Variants in TMEM67 observed in about 807,000 individuals in gnomAD.
TMEM67 encodes transmembrane protein 67.
TMEM67 carries 124 observed loss-of-function variants against 136.6 expected under a neutral mutation model. The ratio of observed to expected loss-of-function variants is 0.91; its 90% CI spans 0.78 to 1.05. The LOEUF (loss-of-function observed/expected upper bound fraction) is 1.05, where lower values mean the gene tolerates loss of function less well. Among genes scored for constraint, TMEM67 ranks in the 50% least tolerant of loss-of-function variants. The probability of loss-of-function intolerance (pLI) is 0.00; values close to 1 mark genes in which losing one functional copy is unlikely to be tolerated. For missense variants in TMEM67, 1,107 were observed against 1,178.4 expected, an observed-to-expected ratio of 0.94 and a Z score of 0.89; for synonymous variants, 364 against 390.5, an observed-to-expected ratio of 0.93 and a Z score of 0.80.
rs780507751 is a variant in TMEM67, at chr8:93,795,882, C to G, written c.1774-19C>G. 122 of 1,506,330 alleles carry G rather than the reference C, an allele frequency of 8.1e-5. No individual in the cohort carries two copies. Among genetic ancestry groups the G allele is most frequent in the Non-Finnish European group, 1.1e-4 (116 of 1,088,014 alleles). The allele number at this position is 1,506,330 out of a possible 1,614,324, so 93.3% of individuals were successfully genotyped here. ...AAAACTGTGTGTGATAATATTTAAT[C>G]AAGTAATTTTTATTATAGGCACAGA... On this transcript the variant is annotated intron_variant, in intron 17 of 27. Coordinates refer to ENST00000453321, the MANE Select transcript of TMEM67 (RefSeq NM_153704.6).
downstream of TMEM67, among the ~76,000 whole-genome samples, chr8:93,824,135 A>T (rs549411665): frequency 1.3e-5 from 2 of 151,610 alleles, no homozygotes; most frequent in East Asian, 1.9e-4. Context: ...CAGGACTTTT[A>T]AAAAAAGATT....
intron 17 of TMEM67, 30 bp from the exon 18 acceptor site, chr8:93,795,871 T>A (rs746232180): frequency 1.0e-5 from 15 of 1,455,868 alleles, no homozygotes; most frequent in Non-Finnish European, 1.4e-5. Flanking sequence ...CTGTGTGTGA[T>A]AATATTTAAT....
chr8:93,759,753 A>G (rs1381578241), intron 3 of TMEM67: 1 of 288,904 alleles, frequency 3.5e-6, no homozygotes, highest in Admixed American at 5.0e-5. Context: ...GGTTCAAGCG[A>G]TTCTCCTGCC....
At position 93,803,628 on chromosome 8, in the gene TMEM67, G is replaced by C. The variant is rs758142959; in HGVS notation, c.2266G>C (p.Glu756Gln). 8.7e-6 allele frequency: 14 copies of C among 1,603,118 alleles called. No homozygotes were observed. In the South Asian group the frequency reaches 1.3e-4, roughly 15 times the overall value. The stretch of plus-strand genomic sequence containing the variant: ...GGTCGTGTTCTTTGCTGTCTTTTAT[G>C]AGAGATTTATAGAAGATAAAATTCG... The part of the protein sequence containing the change: ...IQVVFFAVFY[E>Q]RFIEDKIRQF... Residue 756 changes from glutamate (E) to glutamine (Q), a missense_variant, in exon 22 of 28, where the codon GAG becomes CAG. Physicochemically the swap from Glu to Gln is conservative, Grantham distance 29 (BLOSUM62 2). Coordinates refer to ENST00000453321, the MANE Select transcript of TMEM67 (RefSeq NM_153704.6).
chr8:93,811,435 A>G (rs1808693842), intron 26 of TMEM67: 2 of 152,240 alleles, frequency 1.3e-5, no homozygotes, highest in African/African-American at 2.4e-5. Flanking sequence ...ACAGTGGAAG[A>G]GAGTACTTGA....
intron 7 of TMEM67, among the ~76,000 whole-genome samples, chr8:93,773,925 C>T (rs1470331784): frequency 6.6e-6 from 1 of 151,978 alleles, no homozygotes; most frequent in Non-Finnish European, 1.5e-5. Context: ...TGTTATTTCT[C>T]TTCCCAAGTG....
intron 6 of TMEM67, among the ~76,000 whole-genome samples, chr8:93,766,841 G>A (rs986776996): frequency 2.0e-5 from 3 of 152,052 alleles, no homozygotes; most frequent in African/African-American, 7.2e-5. Flanking sequence ...CAAAATAAAA[G>A]CTAAAATACA....
the TMEM67 span, among the ~76,000 whole-genome samples, chr8:93,826,510 G>T: frequency 6.6e-6 from 1 of 152,148 alleles, no homozygotes; most frequent in Non-Finnish European, 1.5e-5. Context: ...CCTCCCAAAA[G>T]AAATGGTCTC....
intron 2 of TMEM67, among the ~76,000 whole-genome samples, chr8:93,757,905 C>T (rs1812654356): frequency 6.6e-6 from 1 of 151,900 alleles, no homozygotes; most frequent in Non-Finnish European, 1.5e-5. Flanking sequence ...TATAGGCATA[C>T]ACCACCACGC....
chr8:93,781,803 C>A, intron 10 of TMEM67, 59 bp downstream of exon 10: 2 of 1,000,380 alleles, frequency 2.0e-6, no homozygotes, highest in Non-Finnish European at 1.5e-6. Context: ...TGAGACAAAG[C>A]CAAGAGGAAA....
At chr8:93,814,522 G>A (rs948155979) in intron 26 of TMEM67, among the ~76,000 whole-genome samples, 1 of 150,912 alleles carries the variant, frequency 6.6e-6, no homozygotes, top group Non-Finnish European at 1.5e-5. Flanking sequence ...GTGCAGTGGT[G>A]CAATCATATT....
chr8:93,788,335 C>T (rs1003007077), intron 14 of TMEM67, among the ~76,000 whole-genome samples: 4 of 152,068 alleles, frequency 2.6e-5, no homozygotes, highest in Non-Finnish European at 5.9e-5. Flanking sequence ...GAGGCTAAGG[C>T]GGGCAGATCA....
At chr8:93,764,936 CA>C (rs974525163) in intron 4 of TMEM67, among the ~76,000 whole-genome samples, 6 of 152,122 alleles carry the variant, frequency 3.9e-5, no homozygotes, top group African/African-American at 1.2e-4. Flanking sequence ...CTAAAATAAA[CA>C]AAGATGGTAA....
intron 4 of TMEM67, among the ~76,000 whole-genome samples, chr8:93,765,009 C>G (rs940820519): frequency 6.6e-6 from 1 of 152,014 alleles, no homozygotes; most frequent in African/African-American, 2.4e-5. Context: ...CATTTCTCTT[C>G]GGGTTATGCT....
chr8:93,774,152 C>G lies in TMEM67; in HGVS notation c.714+1501C>G, dbSNP rs528032334. Among the ~76,000 whole-genome samples the G allele has an allele frequency of 8.6e-5, 13 of 151,980 alleles. No homozygotes were observed. The South Asian group carries it at 1.0e-3, about 12-fold the overall frequency. The stretch of plus-strand genomic sequence containing the variant: ...GCCTCAGCCTCCTGGGTAGCTAGGA[C>G]TACAGGGGCATGCCACCACACTCAG... On this transcript the variant is annotated intron_variant, in intron 7 of 27. Coordinates refer to ENST00000453321, the MANE Select transcript of TMEM67 (RefSeq NM_153704.6).
intron 26 of TMEM67, among the ~76,000 whole-genome samples, chr8:93,813,399 G>A (rs965303314): frequency 5.3e-5 from 8 of 152,010 alleles, no homozygotes; most frequent in Non-Finnish European, 7.4e-5. Flanking sequence ...GGCTGGCCTC[G>A]AACTCCTGAC....
intron 26 of TMEM67, among the ~76,000 whole-genome samples, chr8:93,813,200 A>G (rs1430540961): frequency 6.8e-6 from 1 of 147,946 alleles, no homozygotes; most frequent in Non-Finnish European, 1.5e-5. Context: ...TTTTTTGGAG[A>G]TGGAGTCTCG....
In TMEM67 at chr8:93,804,828, C is replaced by A; in HGVS notation, c.2389C>A (p.His797Asn). ...CATTCATGGTAGATCAGTACATGGG[C>A]ATGCAGATACTAATATGGAAGAAAT... is the stretch of plus-strand genomic sequence containing the variant. Reference protein sequence around the residue: ...YYIHGRSVHGHADTNMEEMNM... With the variant: ...YYIHGRSVHGNADTNMEEMNM... The change falls in exon 23 of 28, where the codon CAT becomes AAT. Residue 797 changes from histidine (H) to asparagine (N), a missense_variant. This residue lies in a region of TMEM67 where 925 missense variants were observed against 1,002.4 expected (regional missense o/e 0.92). Coordinates refer to ENST00000453321, the MANE Select transcript of TMEM67 (RefSeq NM_153704.6). The A allele has an allele frequency of 6.2e-7, 1 of 1,606,904 alleles. No homozygotes were observed. The highest frequency in any genetic ancestry group is 8.5e-7 in the Non-Finnish European group (1 of 1,173,900).
chr8:93,772,565 TA>T, intron 6 of TMEM67, 23 bp from the exon 7 acceptor site: 1 of 1,591,910 alleles, frequency 6.3e-7, no homozygotes, highest in Non-Finnish European at 8.6e-7. Flanking sequence ...AACTTAAAAA[TA>T]AAATGTATCT....
Sources: gnomAD v4.1 joint callset for allele counts (sites outside exome capture counted in the v4.1 genomes callset) on GRCh38, gnomAD v4.1.1 for gene constraint, gnomAD v4.1.1 regional missense constraint, MANE v1.5 for transcripts, NCBI Gene and HGNC (gene_info 2026-07-23, HGNC 2026-07-21) for gene names.